PLEKHH2: variants seen among roughly 807,000 people sequenced by gnomAD.
The protein encoded by PLEKHH2 is pleckstrin homology domain-containing family H member 2.
Under a neutral mutation model 187.9 loss-of-function variants are expected in PLEKHH2, and 129 were observed. The observed-to-expected ratio is 0.69, with a 90% CI of 0.59 to 0.79. The LOEUF (loss-of-function observed/expected upper bound fraction) is 0.79. PLEKHH2 is among the 30% of genes least tolerant of loss of function. The pLI is 0.00. For synonymous variants in PLEKHH2, 686 were observed against 605.6 expected, an observed-to-expected ratio of 1.13 and a Z score of -1.95; for missense variants, 2,076 against 1,751.2, an observed-to-expected ratio of 1.19 and a Z score of -3.31.
intron 19 of PLEKHH2, among the ~76,000 whole-genome samples, chr2:43,737,960 T>C (rs1016790812): frequency 3.9e-5 from 6 of 152,122 alleles, no homozygotes; most frequent in East Asian, 3.9e-4. Context: ...AGAGAAGATA[T>C]TAAAAAGACC....
chr2:43,762,585 G>C (rs756175553), intron 28 of PLEKHH2, among the ~76,000 whole-genome samples, 195 bp downstream of exon 28: 1 of 152,166 alleles, frequency 6.6e-6, no homozygotes, highest in Non-Finnish European at 1.5e-5. Context: ...AGATAAGACA[G>C]GTCGTTTATT....
intron 2 of PLEKHH2, among the ~76,000 whole-genome samples, chr2:43,652,117 G>C (rs549106465): frequency 6.6e-6 from 1 of 152,306 alleles, no homozygotes; most frequent in Non-Finnish European, 1.5e-5. Flanking sequence ...TGCCATAGCT[G>C]TTGGACTAGT....
At chr2:43,698,778 TA>T (rs1334372150) in intron 7 of PLEKHH2, among the ~76,000 whole-genome samples, 2 of 152,220 alleles carry the variant, frequency 1.3e-5, no homozygotes, top group African/African-American at 4.8e-5. Context: ...CACTTCAGTC[TA>T]AAAGTTTAAT....
chr2:43,710,273 T>G lies in PLEKHH2; in HGVS notation c.2157T>G (p.Ser719=). The G allele has an allele frequency of 6.2e-7, 1 of 1,614,166 alleles. No individual in the cohort carries two copies. The highest frequency in any genetic ancestry group is 8.5e-7 in the Non-Finnish European group (1 of 1,180,026). The change falls in exon 13 of 30, where the codon TCT becomes TCG. Residue 719 remains serine (S), a synonymous_variant. Coordinates refer to ENST00000282406, the MANE Select transcript of PLEKHH2 (RefSeq NM_172069.4). The stretch of plus-strand genomic sequence containing the variant: ...TAAAAATGAGTGGTAAAGTCAAGTC[T>G]TGGAAGCGGCGGTGGTTTGTTCTTA... ...YLLKMSGKVK[S]WKRRWFVLKG...
At chr2:43,726,155 A>T (rs1344290291) in intron 16 of PLEKHH2, 117 bp from the exon 17 acceptor site, 14 of 740,024 alleles carry the variant, frequency 1.9e-5, no homozygotes, top group Non-Finnish European at 2.3e-5. Flanking sequence ...AATAAAAAAT[A>T]AAGTAAAATT....
rs181600127 is a variant in PLEKHH2 at position 43,735,354 on chromosome 2, A to C, written c.2944-2987A>C. On this transcript the variant is annotated intron_variant, in intron 19 of 29. Transcript: ENST00000282406. ...ACAAATATCTTATGTTTTCACTCAT[A>C]GGTGGGAGCTAAAAAAGTGGATCTC... 1.2e-3 allele frequency among the ~76,000 whole-genome samples: 177 copies of C among 152,306 alleles called. 2 individuals are homozygous for C. Among genetic ancestry groups the C allele is most frequent in the African/African-American group, 4.0e-3 (167 of 41,560 alleles).
intron 20 of PLEKHH2, 110 bp downstream of exon 20, chr2:43,738,630 AGG>A: frequency 9.9e-7 from 1 of 1,013,656 alleles, no homozygotes; most frequent in Non-Finnish European, 1.4e-6. Context: ...AAAGTGCAGA[AGG>A]AAAAATAGGT....
intron 18 of PLEKHH2, 57 bp from the exon 19 acceptor site, chr2:43,731,431 TAA>T: frequency 8.8e-7 from 1 of 1,133,224 alleles, no homozygotes; most frequent in Non-Finnish European, 1.3e-6. Flanking sequence ...ATTAATTTAA[TAA>T]GAGGCCACAA....
rs148508564 is a variant in PLEKHH2, at chr2:43,729,865, A to G, written c.2830+120A>G. 508 of 561,942 alleles carry G rather than the reference A, an allele frequency of 9.0e-4. 2 individuals are homozygous for G. In the African/African-American group the frequency reaches 9.1e-3, roughly 10 times the overall value. 34.8% of individuals were successfully genotyped at this position (561,942 alleles called of 1,614,324 possible). A position where few individuals can be genotyped will look rare whatever the true frequency, so the allele number is the denominator to read the frequency against. On this transcript the variant is annotated intron_variant, in intron 18 of 29. Coordinates refer to ENST00000282406, the MANE Select transcript of PLEKHH2 (RefSeq NM_172069.4). ...TTCCCTGAAATATACCCACCTTTTC[A>G]TTGCCTTTGCTCATCATGGGAGAGA... is the stretch of plus-strand genomic sequence containing the variant.
At position 43,766,946 on chromosome 2, in the gene PLEKHH2, G is replaced by T. The variant is rs1369944446; in HGVS notation, c.*1348G>T. 1 of 152,694 alleles carries T rather than the reference G, an allele frequency of 6.5e-6. No homozygotes were observed. The highest frequency in any genetic ancestry group is 6.5e-5 in the Admixed American group (1 of 15,270). The allele number at this position is 152,694 out of a possible 1,614,324, so 9.5% of individuals were successfully genotyped here. On this transcript the variant is annotated 3_prime_UTR_variant, in exon 30 of 30. Transcript: ENST00000282406. ...AGAGAAAATAATTCTTCTGTCAAAG[G>T]AGGTTAAATTTTAGTTGATAGAGTA...
At chr2:43,728,285 C>A (rs1670867401) in intron 17 of PLEKHH2, among the ~76,000 whole-genome samples, 1 of 151,578 alleles carries the variant, frequency 6.6e-6, no homozygotes, top group Non-Finnish European at 1.5e-5. Flanking sequence ...TCGAGACCAG[C>A]CTGGCCAATG....
rs937945207 is a variant in PLEKHH2, at chr2:43,725,960, T to A, written c.2542-312T>A. ...ACCCTATCTCCAAAAAAAAATCATT[T>A]TTTTTTAATTAGCTGGGCATGGTGG... On this transcript the variant is annotated intron_variant, in intron 16 of 29. Transcript: ENST00000282406. Among the ~76,000 whole-genome samples, 26 of 151,590 alleles carry A rather than the reference T, an allele frequency of 1.7e-4. 1 individual carries two copies. The highest frequency in any genetic ancestry group is 5.3e-4 in the African/African-American group (22 of 41,202).
At chr2:43,752,999 C>G (rs1393422801) in intron 24 of PLEKHH2, among the ~76,000 whole-genome samples, 1 of 152,150 alleles carries the variant, frequency 6.6e-6, no homozygotes, top group East Asian at 1.9e-4. Context: ...CTCCCCCTCC[C>G]CTTATTTGAT....
At chr2:43,660,287 T>C (rs1210309602) in intron 2 of PLEKHH2, among the ~76,000 whole-genome samples, 1 of 152,182 alleles carries the variant, frequency 6.6e-6, no homozygotes, top group African/African-American at 2.4e-5. Flanking sequence ...CACTAGTTGA[T>C]GGTCATTTGG....
intron 8 of PLEKHH2, among the ~76,000 whole-genome samples, chr2:43,701,408 A>C (rs1270669489): frequency 6.6e-6 from 1 of 152,136 alleles, no homozygotes; most frequent in Non-Finnish European, 1.5e-5. Context: ...ATAGGTGGAG[A>C]GGGATCAGCA....
At chr2:43,753,105 G>A (rs1461700608) in intron 24 of PLEKHH2, among the ~76,000 whole-genome samples, 1 of 152,002 alleles carries the variant, frequency 6.6e-6, no homozygotes, top group East Asian at 1.9e-4. Flanking sequence ...TTGAAGACTG[G>A]GTTTATACAG....
chr2:43,671,804 C>T (rs531807241), intron 2 of PLEKHH2, among the ~76,000 whole-genome samples: 21 of 152,298 alleles, frequency 1.4e-4, no homozygotes, highest in African/African-American at 5.1e-4. Context: ...ATAAACCCCA[C>T]TTAGCCATGA....
intron 3 of PLEKHH2, among the ~76,000 whole-genome samples, chr2:43,679,131 A>T (rs1366330861): frequency 6.6e-6 from 1 of 152,192 alleles, no homozygotes; most frequent in Non-Finnish European, 1.5e-5. Flanking sequence ...TTCCATTAGG[A>T]AGGAAGTTTT....
intron 2 of PLEKHH2, among the ~76,000 whole-genome samples, chr2:43,645,639 T>C (rs1474513649): frequency 6.6e-6 from 1 of 152,190 alleles, no homozygotes; most frequent in Non-Finnish European, 1.5e-5. Context: ...AATTTTTATA[T>C]TGATTATATG....
Sources: gnomAD v4.1 joint callset for allele counts (sites outside exome capture counted in the v4.1 genomes callset) on GRCh38, gnomAD v4.1.1 for gene constraint, MANE v1.5 for transcripts, NCBI Gene and HGNC (gene_info 2026-07-23, HGNC 2026-07-21) for gene names.